The following LRRC56 variants were observed in gnomAD, a reference collection of about 807,000 sequenced individuals.
The protein encoded by LRRC56 is leucine rich repeat containing 56, also known as leucine-rich repeat-containing protein 56.
Under a neutral mutation model 47.8 loss-of-function variants are expected in LRRC56, and 41 were observed. The observed-to-expected ratio is 0.86, with a 90% CI of 0.67 to 1.11. LRRC56 has a LOEUF of 1.11. LRRC56 is among the 50% of genes most tolerant of loss of function. The probability of loss-of-function intolerance (pLI) is 0.00; values close to 1 mark genes in which losing one functional copy is unlikely to be tolerated. For synonymous variants in LRRC56, 387 were observed against 311.2 expected, an observed-to-expected ratio of 1.24 and a Z score of -2.56; for missense variants, 759 against 704.2, an observed-to-expected ratio of 1.08 and a Z score of -0.88.
chr11:538,031 T>G (rs79966637), intron 1 of LRRC56, among the ~76,000 whole-genome samples: 2 of 152,018 alleles, frequency 1.3e-5, no homozygotes. Flanking sequence ...AGTTACCAAT[T>G]TGGGGAGCAT....
In LRRC56 at chr11:549,030, C is replaced by T. The variant is rs1407025607; in HGVS notation, c.327-872C>T. Among the ~76,000 whole-genome samples, 4 of 152,186 alleles carry T rather than the reference C, an allele frequency of 2.6e-5. No individual in the cohort carries two copies. In the East Asian group the frequency reaches 7.7e-4, roughly 29 times the overall value. ...GCCATTGAAGGCAGCAGGCTGAGGA[C>T]AGACACTGACTCCACAGCGCGAAAG... On this transcript the variant is annotated intron_variant, in intron 6 of 13. Coordinates refer to ENST00000270115, the MANE Select transcript of LRRC56 (RefSeq NM_198075.4).
intron 8 of LRRC56, 24 bp from the exon 9 acceptor site, chr11:551,107 C>A: frequency 7.5e-7 from 1 of 1,325,000 alleles, no homozygotes; most frequent in Non-Finnish European, 1.0e-6. Flanking sequence ...CCTGCCCTCC[C>A]TCCCCCTCCC....
the LRRC56 span, among the ~76,000 whole-genome samples, chr11:517,086 A>G: frequency 2.0e-5 from 3 of 152,194 alleles, no homozygotes; most frequent in African/African-American, 2.4e-5. Context: ...CTGACCTCCA[A>G]TGGTCTGCCC....
chr11:543,238 G>C (rs558025999), intron 5 of LRRC56, among the ~76,000 whole-genome samples: 1 of 149,634 alleles, frequency 6.7e-6, no homozygotes, highest in East Asian at 2.0e-4. Flanking sequence ...TTTTAAGACA[G>C]AGTCTCTCTC....
upstream of LRRC56, among the ~76,000 whole-genome samples, chr11:533,010 G>A (rs1851199167): frequency 6.6e-6 from 1 of 152,192 alleles, no homozygotes; most frequent in Non-Finnish European, 1.5e-5. Flanking sequence ...GTCTGGCCAG[G>A]GTTTGACCAC....
rs1015867879 is a variant in LRRC56 at position 552,159 on chromosome 11, G to A, written c.1108G>A (p.Glu370Lys). 6.2e-7 allele frequency: 1 copy of A among 1,612,550 alleles called. No homozygotes were observed. Among genetic ancestry groups the A allele is most frequent in the African/African-American group, 1.3e-5 (1 of 74,898 alleles). Residue 370 changes from glutamate (E) to lysine (K), a missense_variant, in exon 12 of 14, where the codon GAG (glutamate) becomes AAG (lysine). Transcript: ENST00000270115. ...TCCGGCCGCCAGCACTTCCACCCCA[G>A]AGCCTGACCCTGCAGACAGCTCTGA... ...GDPAASTSTP[E>K]PDPADSSDFL...
chr11:543,756 A>ATTT (rs139566963), intron 5 of LRRC56, among the ~76,000 whole-genome samples: 4 of 148,110 alleles, frequency 2.7e-5, no homozygotes, highest in African/African-American at 1.0e-4. Context: ...CCCTTCTTTT[A>ATTT]TTTTTTTTTT....
Position 550,204 on chromosome 11 carries a change from C to T in LRRC56, c.556C>T (p.Arg186Cys), listed in dbSNP as rs768064539. 1.2e-5 allele frequency: 19 copies of T among 1,612,536 alleles called. No homozygotes were observed. The highest frequency in any genetic ancestry group is 8.3e-5 in the Admixed American group (5 of 59,944). The change falls in exon 8 of 14, where the codon CGC (arginine) becomes TGC (cysteine). Residue 186 changes from arginine (R) to cysteine (C), a missense_variant. Arg to Cys is a radical substitution (Grantham distance 180). Transcript: ENST00000270115. Reference sequence around the variant, plus strand: ...GGTGCGCTACTTGCAGCTGTGCCCACGCCTGGCCATGCTCACCCTGGAGGG... The same window carrying T: ...GGTGCGCTACTTGCAGCTGTGCCCATGCCTGGCCATGCTCACCCTGGAGGG... ...GQVRYLQLCP[R>C]LAMLTLEGNL...
In LRRC56 at chr11:541,212, T is replaced by C. The variant is rs1396197562; in HGVS notation, c.178-325T>C. On this transcript the variant is annotated intron_variant, in intron 4 of 13. Transcript: ENST00000270115. This position sits in a 1 kb window ranked among gnomAD's most constrained non-coding sequence, Gnocchi z 4.1. The stretch of plus-strand genomic sequence containing the variant: ...TCCTTCACTCAAGCGGGAGACCAGA[T>C]GGCTCAAAGCTCAGGGCAGGGCCCG... Among the ~76,000 whole-genome samples the C allele has an allele frequency of 6.6e-6, 1 of 152,128 alleles. No homozygotes were observed. Among genetic ancestry groups the C allele is most frequent in the African/African-American group, 2.4e-5 (1 of 41,438 alleles).
Position 538,085 on chromosome 11 carries a change from G to A in LRRC56, c.-422+480G>A, listed in dbSNP as rs574137323. 8.0e-4 allele frequency among the ~76,000 whole-genome samples: 122 copies of A among 152,320 alleles called. No homozygotes were observed. In the Middle Eastern group the frequency reaches 0.017, roughly 21 times the overall value. ...CACAGGGTGGGAGCAGGGCCGTGAA[G>A]TGTGTGGATGGGTTCAGGCCTGGGT... On this transcript the variant is annotated intron_variant, in intron 1 of 13. Coordinates refer to ENST00000270115, the MANE Select transcript of LRRC56 (RefSeq NM_198075.4).
At chr11:547,095 G>C (rs1852119497) in intron 6 of LRRC56, among the ~76,000 whole-genome samples, 1 of 151,776 alleles carries the variant, frequency 6.6e-6, no homozygotes, top group African/African-American at 2.4e-5. Context: ...GCTTGGGCTT[G>C]GCGGTGCATG....
At position 541,508 on chromosome 11, in the gene LRRC56, C is replaced by T. The variant is rs755939186; in HGVS notation, c.178-29C>T. On this transcript the variant is annotated intron_variant, in intron 4 of 13. Transcript: ENST00000270115. The surrounding 1 kb of genome is among the most constrained non-coding windows in gnomAD (Gnocchi z 4.1). ...GAACTAAAGTGGGGAGAGCCAGGAC[C>T]AGCGCTGACCCCCGGTTGGTTTCTA... 8 of 1,386,598 alleles carry T rather than the reference C, an allele frequency of 5.8e-6. 1 individual carries two copies. In the East Asian group the frequency reaches 1.8e-4, roughly 31 times the overall value. 85.9% of individuals were successfully genotyped at this position (1,386,598 alleles called of 1,614,324 possible).
the LRRC56 span, among the ~76,000 whole-genome samples, chr11:528,165 C>T: frequency 6.6e-6 from 1 of 152,340 alleles, no homozygotes; most frequent in African/African-American, 2.4e-5. Context: ...CCAGGCCTCC[C>T]TGGATGGATG....
At position 546,022 on chromosome 11, in the gene LRRC56, G is replaced by A. The variant is rs939301606; in HGVS notation, c.326+1242G>A. Among the ~76,000 whole-genome samples, 6 of 152,216 alleles carry A rather than the reference G, an allele frequency of 3.9e-5. No homozygotes were observed. The South Asian group carries it at 1.2e-3, about 31-fold the overall frequency. On this transcript the variant is annotated intron_variant, in intron 6 of 13. Coordinates refer to ENST00000270115, the MANE Select transcript of LRRC56 (RefSeq NM_198075.4). ...ACGGTGTCTCACGCCTATAATCCCA[G>A]AACTTTGGGAGGCCGAGGTGGGCAG... is the stretch of plus-strand genomic sequence containing the variant.
the LRRC56 span, chr11:507,046 GAAGCCCGACC>G: frequency 6.6e-6 from 1 of 152,224 alleles, no homozygotes; most frequent in Non-Finnish European, 1.5e-5. Flanking sequence ...GCGTCTACAA[GAAGCCCGACC>G]AAGGCCGGCG....
At chr11:507,085 A>C in the LRRC56 span, 6 of 152,206 alleles carry the variant, frequency 3.9e-5, no homozygotes, top group African/African-American at 1.2e-4. Context: ...GCCTGGCTAG[A>C]CGCTGACGCA....
At chr11:547,643 C>T (rs1351496890) in intron 6 of LRRC56, among the ~76,000 whole-genome samples, 1 of 151,970 alleles carries the variant, frequency 6.6e-6, no homozygotes. Flanking sequence ...TGAGCCACCA[C>T]GCCCGGCCAG....
the LRRC56 span, among the ~76,000 whole-genome samples, chr11:521,681 G>A: frequency 9.2e-5 from 14 of 152,174 alleles, no homozygotes; most frequent in East Asian, 3.8e-4. Context: ...TTGGGAGACC[G>A]AGGCGGGCAG....
Position 551,224 on chromosome 11 carries a change from C to G in LRRC56, c.718C>G (p.Pro240Ala). 6.5e-7 allele frequency: 1 copy of G among 1,547,334 alleles called. No individual in the cohort carries two copies. The highest frequency in any genetic ancestry group is 8.7e-7 in the Non-Finnish European group (1 of 1,145,056). The part of the protein sequence containing the change: ...DEVPAAHTGP[P>A]APPRLSQDWL... ...AGTGCCGGCCGCACACACAGGCCCA[C>G]CGGCCCCCCCGCGGCTGAGCCAGGA... is the stretch of plus-strand genomic sequence containing the variant. Residue 240 changes from proline to alanine, a missense_variant, in exon 9 of 14, where the codon CCG (proline) becomes GCG (alanine). Transcript: ENST00000270115.
Sources: allele counts gnomAD v4.1 joint callset (sites outside exome capture counted in the v4.1 genomes callset), GRCh38; gene constraint gnomAD v4.1.1; non-coding constraint Gnocchi (gnomAD v3.1); transcripts MANE v1.5; gene names NCBI Gene and HGNC (gene_info 2026-07-23, HGNC 2026-07-21).